The following PIWIL3 variants were observed in gnomAD, a reference collection of about 807,000 sequenced individuals.
PIWIL3 encodes piwi like RNA-mediated gene silencing 3.
A neutral mutation model predicts 109.7 loss-of-function variants in PIWIL3; 101 were observed. The ratio of observed to expected loss-of-function variants is 0.92; its 90% confidence interval spans 0.78 to 1.09. The LOEUF is 1.09. PIWIL3 is among the 50% of genes least tolerant of loss of function. PIWIL3 has a pLI of 0.00. For missense variants in PIWIL3, 1,031 were observed against 1,072.6 expected (o/e 0.96, Z 0.54); for synonymous variants, 373 against 376.4 (o/e 0.99, Z 0.10).
intron 10 of PIWIL3, 40 bp from the exon 11 acceptor site, chr22:24,749,561 A>T (rs771130155): frequency 8.7e-6 from 14 of 1,611,880 alleles, no homozygotes; most frequent in Non-Finnish European, 1.2e-5. Context: ...ACAAGCATGA[A>T]TTTGAGTGAG....
intron 2 of PIWIL3, chr22:24,762,065 GC>G (rs1310842681): frequency 2.1e-6 from 2 of 963,776 alleles, no homozygotes; most frequent in Non-Finnish European, 2.5e-6. Flanking sequence ...CTCAGGCTAT[GC>G]CAGTACCTTC....
chr22:24,754,017 G>T lies in PIWIL3; in HGVS notation c.974C>A (p.Thr325Lys). ...GGTTTTTAAAAGACAGACTTACTTT[G>T]TCAGAACAATTGATCCAATTAATTT... The part of the protein sequence containing the change: ...TNKLIGSIVL[T>K]KYNNKTYRVD... Residue 325 changes from threonine (T) to lysine (K), a missense_variant, in exon 8 of 21, where the codon ACA becomes AAA. By Grantham distance (78) the Thr-to-Lys change is moderately conservative (BLOSUM62 -1). Coordinates refer to ENST00000616349, the MANE Select transcript of PIWIL3 (RefSeq NM_001255975.1). 6.2e-7 allele frequency: 1 copy of T among 1,600,206 alleles called. No homozygotes were observed. The highest frequency in any genetic ancestry group is 8.6e-7 in the Non-Finnish European group (1 of 1,167,378).
intron 8 of PIWIL3, among the ~76,000 whole-genome samples, chr22:24,752,869 G>C (rs1924796200): frequency 6.6e-6 from 1 of 152,118 alleles, no homozygotes; most frequent in Non-Finnish European, 1.5e-5. Context: ...ATCCTAGTGG[G>C]TGTGAAATGA....
chr22:24,763,466 A>G (rs1925576434), intron 1 of PIWIL3, among the ~76,000 whole-genome samples: 1 of 151,890 alleles, frequency 6.6e-6, no homozygotes, highest in South Asian at 2.1e-4. Context: ...ACGCCTGGCT[A>G]ATTTTTGTAT....
intron 16 of PIWIL3, 62 bp from the exon 17 acceptor site, chr22:24,725,577 A>C: frequency 6.4e-7 from 1 of 1,560,318 alleles, no homozygotes; most frequent in Non-Finnish European, 8.8e-7. Context: ...TTGAGTCTGC[A>C]TTAATCTATG....
chr22:24,720,401 A>G (rs1922607064), intron 19 of PIWIL3, among the ~76,000 whole-genome samples: 1 of 150,216 alleles, frequency 6.7e-6, no homozygotes, highest in Non-Finnish European at 1.5e-5. Flanking sequence ...CCTCCCGAGT[A>G]GCTGGGACTA....
At chr22:24,772,337 C>T (rs554845895) in intron 1 of PIWIL3, among the ~76,000 whole-genome samples, 1 of 152,324 alleles carries the variant, frequency 6.6e-6, no homozygotes, top group South Asian at 2.1e-4. Context: ...ATAGCAACTT[C>T]TATGAGCAAC....
At chr22:24,728,416 C>G (rs753568202) in intron 14 of PIWIL3, 42 bp from the exon 15 acceptor site, 1 of 1,610,528 alleles carries the variant, frequency 6.2e-7, no homozygotes, top group Admixed American at 1.7e-5. Flanking sequence ...GATACAACAA[C>G]AGTGATACAG....
chr22:24,741,970 CTGA>C (rs1365733505), intron 12 of PIWIL3, among the ~76,000 whole-genome samples: 7 of 152,004 alleles, frequency 4.6e-5, no homozygotes, highest in Non-Finnish European at 8.8e-5. Context: ...TCACTGTTTG[CTGA>C]TGATATGATT....
intron 12 of PIWIL3, among the ~76,000 whole-genome samples, chr22:24,745,286 T>C (rs1924285844): frequency 6.6e-6 from 1 of 152,126 alleles, no homozygotes; most frequent in Non-Finnish European, 1.5e-5. Context: ...AACCACCTAA[T>C]GACGCATCTT....
intron 1 of PIWIL3, among the ~76,000 whole-genome samples, chr22:24,766,222 A>C (rs1327529427): frequency 6.6e-6 from 1 of 151,776 alleles, no homozygotes; most frequent in South Asian, 2.1e-4. Context: ...CCTGAGCTCA[A>C]GCGATCATCC....
chr22:24,729,933 C>CT (rs77524370), intron 14 of PIWIL3, among the ~76,000 whole-genome samples: 3,673 of 125,892 alleles, frequency 0.029, 69 homozygotes, highest in African/African-American at 0.051. Flanking sequence ...TCTACTTTTT[C>CT]TTTTTTTTTT....
chr22:24,736,603 A>G lies in PIWIL3; in HGVS notation c.1450-711T>C, dbSNP rs79301571. ...CTAAGTTTGACAACTATTTGTACAA[A>G]GGGAGCACCTTCATAGGAACCAAAC... On this transcript the variant is annotated intron_variant, in intron 12 of 20. Coordinates refer to ENST00000616349, the MANE Select transcript of PIWIL3 (RefSeq NM_001255975.1). Among the ~76,000 whole-genome samples, 903 of 152,334 alleles carry G rather than the reference A, an allele frequency of 5.9e-3. 6 individuals carry two copies. The highest frequency in any genetic ancestry group is 0.014 in the Middle Eastern group (4 of 294).
intron 14 of PIWIL3, among the ~76,000 whole-genome samples, chr22:24,729,768 C>T (rs1416080479): frequency 2.0e-5 from 3 of 152,142 alleles, no homozygotes; most frequent in East Asian, 1.9e-4. Context: ...GCATTGTCTG[C>T]ATTGACAAGT....
intron 4 of PIWIL3, among the ~76,000 whole-genome samples, chr22:24,757,663 CA>C (rs1925149620): frequency 1.7e-5 from 1 of 59,922 alleles, no homozygotes; most frequent in South Asian, 5.2e-4. Context: ...ATATATTACA[CA>C]CACACACACA....
In PIWIL3 at chr22:24,719,750, G is replaced by A. The variant is rs201599301; in HGVS notation, c.2503C>T (p.Pro835Ser). 4.3e-6 allele frequency: 7 copies of A among 1,610,410 alleles called. No individual in the cohort carries two copies. The Admixed American group carries it at 1.0e-4, about 23-fold the overall frequency. Residue 835 changes from proline (P) to serine (S), a missense_variant and splice_region_variant, in exon 20 of 21, where the codon CCA (proline) becomes TCA (serine). Transcript: ENST00000616349. ...AAAAAGTAACAAAAAGTACTTACTG[G>A]CAAATTATAATACATGTGGCATAGA... ...YCLCHMYYNL[P>S]GIIRVPAPCH...
intron 12 of PIWIL3, among the ~76,000 whole-genome samples, chr22:24,744,178 T>TAAAAAAAAAA (rs1188611412): frequency 9.3e-4 from 32 of 34,306 alleles, no homozygotes; most frequent in East Asian, 1.7e-3. Context: ...GTGACCGAAT[T>TAAAAAAAAAA]AAAAAAAAAA....
intron 19 of PIWIL3, among the ~76,000 whole-genome samples, chr22:24,722,174 C>A (rs992942981): frequency 6.6e-6 from 1 of 152,184 alleles, no homozygotes; most frequent in Non-Finnish European, 1.5e-5. Flanking sequence ...GCTCCGCCTC[C>A]CTGGTTCACA....
chr22:24,754,480 TAATA>T (rs1569107860), intron 7 of PIWIL3, among the ~76,000 whole-genome samples: 3 of 151,940 alleles, frequency 2.0e-5, no homozygotes, highest in Admixed American at 6.6e-5. Context: ...TACCAGTGAG[TAATA>T]TATATAGTTG....
Sources: gnomAD v4.1 joint callset for allele counts (sites outside exome capture counted in the v4.1 genomes callset) on GRCh38, gnomAD v4.1.1 for gene constraint, MANE v1.5 for transcripts, NCBI Gene and HGNC (gene_info 2026-07-23, HGNC 2026-07-21) for gene names.